FBXW7: variants seen among roughly 807,000 people sequenced by gnomAD.
FBXW7 encodes the protein F-box and WD repeat domain containing 7, also known as F-box/WD repeat-containing protein 7.
Under a neutral mutation model 86.3 loss-of-function variants are expected in FBXW7, and 11 were observed. The ratio of observed to expected loss-of-function variants is 0.13; its 90% CI spans 0.08 to 0.21. FBXW7 has a LOEUF of 0.21. Among genes scored for constraint, FBXW7 ranks in the 10% least tolerant of loss-of-function variants. FBXW7 has a pLI of 1.00. For synonymous variants in FBXW7, 313 were observed against 297.9 expected (o/e 1.05, Z -0.52); for missense variants, 488 against 847.4 (o/e 0.58, Z 5.27).
At chr4:152,339,922 C>CAAAAAAAA (rs1227838925) in intron 6 of FBXW7, among the ~76,000 whole-genome samples, 1 of 66,354 alleles carries the variant, frequency 1.5e-5, no homozygotes, top group Non-Finnish European at 3.3e-5. Flanking sequence ...GGCTTTGTCT[C>CAAAAAAAA]AAAAAAAAAA....
intron 2 of FBXW7, among the ~76,000 whole-genome samples, chr4:152,453,389 T>C (rs1742089554): frequency 6.6e-6 from 1 of 152,136 alleles, no homozygotes; most frequent in Non-Finnish European, 1.5e-5. Context: ...CGTCACCCCA[T>C]GTCTTCTACA....
intron 2 of FBXW7, among the ~76,000 whole-genome samples, chr4:152,428,446 C>G (rs1057402975): frequency 1.6e-4 from 24 of 152,106 alleles, no homozygotes; most frequent in African/African-American, 5.3e-4. Context: ...TCACCTGGAG[C>G]CAAGAATGGT....
chr4:152,521,019 C>T (rs1018291755), intron 2 of FBXW7, among the ~76,000 whole-genome samples: 3 of 152,138 alleles, frequency 2.0e-5, no homozygotes, highest in Non-Finnish European at 4.4e-5. Flanking sequence ...CCCCTCCTGC[C>T]AACCCCCATA....
At chr4:152,402,561 G>A (rs1297495096) in intron 4 of FBXW7, among the ~76,000 whole-genome samples, 7 of 152,028 alleles carry the variant, frequency 4.6e-5, no homozygotes, top group South Asian at 2.1e-4. Flanking sequence ...AGTACAACCG[G>A]GACCCAGCAT....
chr4:152,390,480 T>C (rs1003105104), intron 4 of FBXW7, among the ~76,000 whole-genome samples: 3 of 152,100 alleles, frequency 2.0e-5, no homozygotes, highest in Admixed American at 6.6e-5. Context: ...GTGATTATTA[T>C]AGTTACACCT....
chr4:152,320,546 G>C lies in FBXW7; in HGVS notation c.*2335C>G, dbSNP rs1229733296. Reference sequence around the variant, plus strand: ...GAGATACTAAATATATTTAGAACTAGTTTCAAAAACAACTTTATTTTTTCC... The same window carrying C: ...GAGATACTAAATATATTTAGAACTACTTTCAAAAACAACTTTATTTTTTCC... On this transcript the variant is annotated 3_prime_UTR_variant, in exon 14 of 14. Coordinates refer to ENST00000281708, the MANE Select transcript of FBXW7 (RefSeq NM_001349798.2). 6.6e-6 allele frequency: 1 copy of C among 150,486 alleles called. No homozygotes were observed. The highest frequency in any genetic ancestry group is 1.5e-5 in the Non-Finnish European group (1 of 67,808). The allele number at this position is 150,486 out of a possible 1,614,324, so 9.3% of individuals were successfully genotyped here.
chr4:152,466,554 CAA>C (rs201136250), intron 2 of FBXW7, among the ~76,000 whole-genome samples: 3 of 102,534 alleles, frequency 2.9e-5, no homozygotes, highest in African/African-American at 3.8e-5. Context: ...GACTCCATTT[CAA>C]AAAAAAAAAA....
chr4:152,414,919 G>T (rs1738290995), intron 2 of FBXW7, among the ~76,000 whole-genome samples: 1 of 152,042 alleles, frequency 6.6e-6, no homozygotes, highest in Admixed American at 6.6e-5. Context: ...GAAAATACAG[G>T]GTAACTTTTA....
intron 2 of FBXW7, among the ~76,000 whole-genome samples, chr4:152,471,974 T>C (rs963990023): frequency 6.6e-6 from 1 of 152,024 alleles, no homozygotes; most frequent in Admixed American, 6.5e-5. Context: ...ATATCAGCAA[T>C]GCACATGTTC....
chr4:152,434,956 G>A (rs972054218), intron 2 of FBXW7, among the ~76,000 whole-genome samples: 1 of 102,578 alleles, frequency 9.7e-6, no homozygotes, highest in Non-Finnish European at 1.8e-5. Context: ...CTTTCCCCCC[G>A]CTCCCCCCCC....
At chr4:152,354,549 T>C (rs2203644) in intron 4 of FBXW7, among the ~76,000 whole-genome samples, 81,409 of 152,006 alleles carry the variant, frequency 0.54, 24,706 homozygotes, top group Non-Finnish European at 0.7. Flanking sequence ...GTATATACTT[T>C]GGCTTCAACT....
chr4:152,413,111 T>C (rs1738123619), intron 2 of FBXW7, among the ~76,000 whole-genome samples: 1 of 152,084 alleles, frequency 6.6e-6, no homozygotes, highest in South Asian at 2.1e-4. Context: ...TGAAGTATTG[T>C]CAATTCTAGT....
At chr4:152,333,346 G>A (rs945445063) in intron 7 of FBXW7, among the ~76,000 whole-genome samples, 1 of 151,802 alleles carries the variant, frequency 6.6e-6, no homozygotes, top group Non-Finnish European at 1.5e-5. Flanking sequence ...CTTCTTGATG[G>A]GCCACATAAG....
At chr4:152,385,133 A>G (rs1735420505) in intron 4 of FBXW7, among the ~76,000 whole-genome samples, 1 of 152,038 alleles carries the variant, frequency 6.6e-6, no homozygotes, top group African/African-American at 2.4e-5. Flanking sequence ...TTTCAAAAAA[A>G]TTCTGTCTCA....
chr4:152,470,348 T>C (rs559522624), intron 2 of FBXW7, among the ~76,000 whole-genome samples: 147 of 152,198 alleles, frequency 9.7e-4, no homozygotes, highest in African/African-American at 3.3e-3. Context: ...TGCATTCAGT[T>C]CTTCCTGACA....
intron 4 of FBXW7, among the ~76,000 whole-genome samples, chr4:152,387,899 A>G (rs946335644): frequency 6.6e-5 from 10 of 151,938 alleles, no homozygotes; most frequent in Non-Finnish European, 1.0e-4. Context: ...TAGTAGAGAC[A>G]GGGTTTTACT....
intron 4 of FBXW7, among the ~76,000 whole-genome samples, chr4:152,362,210 C>T (rs781269965): frequency 7.9e-5 from 12 of 151,878 alleles, no homozygotes; most frequent in Non-Finnish European, 1.3e-4. Flanking sequence ...TGGTCTGTTA[C>T]GAACTGCTAC....
At chr4:152,464,891 A>AAAGGGGTC (rs1743264722) in intron 2 of FBXW7, among the ~76,000 whole-genome samples, 2 of 152,242 alleles carry the variant, frequency 1.3e-5, no homozygotes, top group Admixed American at 1.3e-4. Context: ...ATTGGAAGAA[A>AAAGGGGTC]AAGGGGTCAG....
chr4:152,354,332 G>A (rs1732157341), intron 4 of FBXW7, among the ~76,000 whole-genome samples: 1 of 151,828 alleles, frequency 6.6e-6, no homozygotes, highest in South Asian at 2.1e-4. Flanking sequence ...ACTTCGAAGG[G>A]AAGCAAAAAA....
Sources: allele counts gnomAD v4.1 joint callset (sites outside exome capture counted in the v4.1 genomes callset), GRCh38; gene constraint gnomAD v4.1.1; transcripts MANE v1.5; gene names NCBI Gene and HGNC (gene_info 2026-07-23, HGNC 2026-07-21).